Variants in SH3KBP1 observed in about 807,000 individuals in gnomAD.
SH3KBP1 encodes SH3 domain-containing kinase-binding protein 1.
A neutral mutation model predicts 50.1 loss-of-function variants in SH3KBP1; 8 were observed. The observed-to-expected ratio is 0.16, with a 90% CI of 0.09 to 0.29. The LOEUF (loss-of-function observed/expected upper bound fraction) is 0.29, where lower values mean the gene tolerates loss of function less well. SH3KBP1 is among the 10% of genes least tolerant of loss of function. The pLI is 1.00. For synonymous variants in SH3KBP1, 227 were observed against 218.6 expected, an observed-to-expected ratio of 1.04 and a Z score of -0.34; for missense variants, 377 against 535.2, an observed-to-expected ratio of 0.70 and a Z score of 2.92.
In SH3KBP1 at chrX:19,588,242, C is replaced by T. The variant is rs751472987; in HGVS notation, c.1298+401G>A. On this transcript the variant is annotated intron_variant, in intron 12 of 17. Transcript: ENST00000397821. Reference sequence around the variant, plus strand: ...CTGCAGAGCAGTGAGGGTCAGGGGTCGTAGCCACACATGAGATATACATAC... The same window carrying T: ...CTGCAGAGCAGTGAGGGTCAGGGGTTGTAGCCACACATGAGATATACATAC... 43 of 758,790 alleles carry T rather than the reference C, an allele frequency of 5.7e-5. No homozygotes were observed. The South Asian group carries it at 1.2e-3, about 20-fold the overall frequency. 62.5% of individuals were successfully genotyped at this position (758,790 alleles called of 1,213,427 possible).
chrX:19,807,413 C>T (rs776569956), intron 2 of SH3KBP1, among the ~76,000 whole-genome samples: 3 of 111,426 alleles, frequency 2.7e-5, no homozygotes, highest in East Asian at 2.8e-4. Context: ...ACCTTGTTCA[C>T]GCCTCTGGGC....
chrX:19,871,268 AT>A (rs1218010436), intron 1 of SH3KBP1, among the ~76,000 whole-genome samples: 1 of 112,464 alleles, frequency 8.9e-6, no homozygotes, highest in Non-Finnish European at 1.9e-5. Context: ...AAAATGAACA[AT>A]TGAGGGAAAC....
chrX:19,847,750 G>A (rs1001350476), intron 1 of SH3KBP1, among the ~76,000 whole-genome samples: 1 of 112,110 alleles, frequency 8.9e-6, no homozygotes, highest in Non-Finnish European at 1.9e-5. Context: ...ATTTGAGTTG[G>A]TACTTTTTAA....
intron 5 of SH3KBP1, among the ~76,000 whole-genome samples, chrX:19,685,172 A>G (rs1484991939): frequency 8.9e-6 from 1 of 112,398 alleles, no homozygotes; most frequent in Non-Finnish European, 1.9e-5. Context: ...GTTCTCTATT[A>G]GCCAATTGTG....
chrX:19,778,483 C>G (rs898584684), intron 2 of SH3KBP1, among the ~76,000 whole-genome samples: 5 of 108,779 alleles, frequency 4.6e-5, no homozygotes, highest in Admixed American at 9.8e-5. Flanking sequence ...GACTTACCCT[C>G]TCCTTGGAAC....
At chrX:19,791,268 T>C (rs2066519653) in intron 2 of SH3KBP1, among the ~76,000 whole-genome samples, 1 of 111,170 alleles carries the variant, frequency 9.0e-6, no homozygotes. Context: ...ATCAAAACCA[T>C]AAGGACATAA....
chrX:19,692,667 G>GTATA (rs1569422872), intron 5 of SH3KBP1, among the ~76,000 whole-genome samples: 15 of 82,409 alleles, frequency 1.8e-4, no homozygotes, highest in African/African-American at 8.3e-4. Flanking sequence ...GTGTGTGTGT[G>GTATA]TGTATGTATA....
intron 4 of SH3KBP1, among the ~76,000 whole-genome samples, chrX:19,701,676 G>T (rs142887580): frequency 9.0e-6 from 1 of 111,623 alleles, no homozygotes; most frequent in Admixed American, 9.5e-5. Flanking sequence ...TCTCTCGTTC[G>T]TCAATGCCAT....
rs760681789 is a variant in SH3KBP1, at chrX:19,692,688, TA to T, written c.520+2923del. Among the ~76,000 whole-genome samples the T allele has an allele frequency of 9.2e-3, 843 of 91,602 alleles. 18 individuals carry two copies. The highest frequency in any genetic ancestry group is 0.052 in the East Asian group (164 of 3,138). 79.5% of individuals were successfully genotyped at this position (91,602 alleles called of 115,157 possible). On this transcript the variant is annotated intron_variant, in intron 5 of 17. Coordinates refer to ENST00000397821, the MANE Select transcript of SH3KBP1 (RefSeq NM_031892.3). ...GTGTGTGTATGTATATATATATATA[TA>T]TTTTTTTTTTTTTTTAATAGTCTCT...
chrX:19,780,715 G>T (rs986482115), intron 2 of SH3KBP1, among the ~76,000 whole-genome samples: 2 of 107,270 alleles, frequency 1.9e-5, no homozygotes, highest in Non-Finnish European at 3.9e-5. Context: ...TTTCCCCATT[G>T]CTTGTTTTTC....
intron 13 of SH3KBP1, among the ~76,000 whole-genome samples, chrX:19,559,865 A>G (rs5955816): frequency 0.24 from 26,503 of 110,745 alleles, 2,561 homozygotes; most frequent in African/African-American, 0.35. Flanking sequence ...GGTTTTCTCT[A>G]GGATCTCAAA....
intron 8 of SH3KBP1, among the ~76,000 whole-genome samples, chrX:19,619,985 T>C (rs1402671756): frequency 2.7e-5 from 3 of 111,445 alleles, no homozygotes; most frequent in Admixed American, 9.6e-5. Context: ...CCATAGCACA[T>C]TGCTGAATAT....
At chrX:19,724,403 C>T (rs957418893) in intron 3 of SH3KBP1, among the ~76,000 whole-genome samples, 2 of 112,374 alleles carry the variant, frequency 1.8e-5, no homozygotes, top group African/African-American at 3.2e-5. Flanking sequence ...CTATATATTA[C>T]GTATATCTCT....
chrX:19,588,393 A>G, intron 12 of SH3KBP1: 2 of 1,106,066 alleles, frequency 1.8e-6, no homozygotes, highest in African/African-American at 3.7e-5. Flanking sequence ...CAGGGCCTAA[A>G]TGCTGGGTAC....
At chrX:19,705,231 T>C (rs370799026) in intron 4 of SH3KBP1, among the ~76,000 whole-genome samples, 1 of 112,442 alleles carries the variant, frequency 8.9e-6, no homozygotes, top group African/African-American at 3.2e-5. Flanking sequence ...CTATTTATCA[T>C]TGTTATAATA....
intron 2 of SH3KBP1, among the ~76,000 whole-genome samples, chrX:19,766,423 A>G: frequency 1.0e-5 from 1 of 97,734 alleles, no homozygotes; most frequent in East Asian, 3.5e-4. Context: ...CTTATCAGAT[A>G]TATGATTTGA....
chrX:19,581,191 C>T (rs1424667814), intron 12 of SH3KBP1, among the ~76,000 whole-genome samples: 1 of 111,767 alleles, frequency 8.9e-6, no homozygotes, highest in Non-Finnish European at 1.9e-5. Flanking sequence ...GATCCTCCTG[C>T]CTCTGCCTCT....
At chrX:19,862,154 C>T (rs1364566335) in intron 1 of SH3KBP1, among the ~76,000 whole-genome samples, 4 of 111,904 alleles carry the variant, frequency 3.6e-5, no homozygotes, top group East Asian at 2.8e-4. Context: ...CTGGAAGCTC[C>T]GCTCTTGTTT....
chrX:19,583,598 C>T (rs953543367), intron 12 of SH3KBP1, among the ~76,000 whole-genome samples: 3 of 110,338 alleles, frequency 2.7e-5, no homozygotes, highest in Non-Finnish European at 5.7e-5. Flanking sequence ...AGGAAGGGAG[C>T]GATCACTGTA....
Sources: allele counts gnomAD v4.1 joint callset (sites outside exome capture counted in the v4.1 genomes callset), GRCh38; gene constraint gnomAD v4.1.1; transcripts MANE v1.5; gene names NCBI Gene and HGNC (gene_info 2026-07-23, HGNC 2026-07-21).